CEP350: variants seen among roughly 807,000 people sequenced by gnomAD.
CEP350 encodes centrosome-associated protein 350.
A neutral mutation model predicts 331.8 loss-of-function variants in CEP350; 126 were observed. That is an observed-to-expected ratio of 0.38 (90% CI 0.33 to 0.44). The LOEUF (loss-of-function observed/expected upper bound fraction) is 0.44, where lower values mean the gene tolerates loss of function less well. Among genes scored for constraint, CEP350 ranks in the 20% least tolerant of loss-of-function variants. CEP350 has a pLI of 1.00. For synonymous variants in CEP350, 1,200 were observed against 1,259.5 expected, an observed-to-expected ratio of 0.95 and a Z score of 1.00; for missense variants, 3,406 against 3,634.6, an observed-to-expected ratio of 0.94 and a Z score of 1.62.
At chr1:180,073,995 C>CTCT in intron 27 of CEP350, 1 of 1,078,208 alleles carries the variant, frequency 9.3e-7, no homozygotes, top group Non-Finnish European at 1.2e-6. Flanking sequence ...CTCTCTCTCT[C>CTCT]TTTTTTTTTA....
intron 8 of CEP350, among the ~76,000 whole-genome samples, chr1:180,010,693 T>C (rs2477107): frequency 0.72 from 108,634 of 151,452 alleles, 40,093 homozygotes; most frequent in Admixed American, 0.8. Flanking sequence ...CCTTGAACTC[T>C]TGGGTTCAAG....
intron 1 of CEP350, among the ~76,000 whole-genome samples, 167 bp from the exon 2 acceptor site, chr1:179,986,002 G>A (rs1445775609): frequency 2.0e-5 from 3 of 152,114 alleles, no homozygotes; most frequent in Non-Finnish European, 4.4e-5. Context: ...TTCTAGTTTT[G>A]CAAATCTTTG....
In CEP350 at chr1:180,114,259, G is replaced by A. The variant is rs567763357; in HGVS notation, c.*3098G>A. The A allele has an allele frequency of 6.6e-6, 1 of 152,592 alleles. No individual in the cohort carries two copies. Among genetic ancestry groups the A allele is most frequent in the Admixed American group, 6.5e-5 (1 of 15,288 alleles). 9.5% of individuals were successfully genotyped at this position (152,592 alleles called of 1,614,324 possible). Reference sequence around the variant, plus strand: ...AGTGTGTACTCGCAAAAGAATTTCTGTAGCACAGCATTAGAGACTCATAAC... The same window carrying A: ...AGTGTGTACTCGCAAAAGAATTTCTATAGCACAGCATTAGAGACTCATAAC... On this transcript the variant is annotated 3_prime_UTR_variant, in exon 38 of 38. Transcript: ENST00000367607.
At chr1:180,027,048 T>A (rs1475481948) in intron 14 of CEP350, among the ~76,000 whole-genome samples, 2 of 152,246 alleles carry the variant, frequency 1.3e-5, no homozygotes, top group African/African-American at 4.8e-5. Flanking sequence ...CTATAGCAGC[T>A]GTACCATTTT....
chr1:180,084,792 A>G (rs1659763189), intron 31 of CEP350, among the ~76,000 whole-genome samples: 1 of 152,182 alleles, frequency 6.6e-6, no homozygotes, highest in African/African-American at 2.4e-5. Context: ...TGAAGCCAGG[A>G]GTTTGAGGCT....
intron 7 of CEP350, among the ~76,000 whole-genome samples, chr1:180,004,959 TC>T (rs1654158082): frequency 1.0e-4 from 2 of 20,074 alleles, no homozygotes; most frequent in Admixed American, 1.2e-3. Flanking sequence ...TTCTTTCCCC[TC>T]TCTCTCTTTT....
chr1:180,100,322 T>C (rs1660728490), intron 37 of CEP350, among the ~76,000 whole-genome samples: 1 of 152,240 alleles, frequency 6.6e-6, no homozygotes, highest in Admixed American at 6.5e-5. Flanking sequence ...TCTTCATAGA[T>C]CTTCACATCT....
rs766713564 is a variant in CEP350 at position 179,990,209 on chromosome 1, C to T, written c.121-298C>T. ...AAAAAAAAAAAAGTCAGATAATTTA[C>T]TACTTTGAAAATACTCAACAATTTA... On this transcript the variant is annotated intron_variant, in intron 3 of 37. Transcript: ENST00000367607. Among the ~76,000 whole-genome samples the T allele has an allele frequency of 5.5e-4, 83 of 151,722 alleles. 1 individual carries two copies. Among genetic ancestry groups the T allele is most frequent in the Non-Finnish European group, 1.5e-4 (10 of 67,906 alleles).
chr1:180,053,432 A>G (rs111504510), intron 23 of CEP350, among the ~76,000 whole-genome samples: 1,558 of 152,290 alleles, frequency 0.01, 28 homozygotes, highest in African/African-American at 0.033. Context: ...TCACTCTTCT[A>G]ATACTTTATT....
chr1:180,059,692 C>T (rs541343459), intron 25 of CEP350, among the ~76,000 whole-genome samples: 4 of 150,290 alleles, frequency 2.7e-5, no homozygotes, highest in Non-Finnish European at 4.4e-5. Flanking sequence ...TGTGCTAATT[C>T]GGATTTGAGT....
intron 20 of CEP350, 38 bp from the exon 21 acceptor site, chr1:180,044,013 G>A: frequency 6.7e-7 from 1 of 1,484,444 alleles, no homozygotes; most frequent in Non-Finnish European, 8.9e-7. Context: ...TGTTATTAGA[G>A]ACTTTGAATG....
chr1:180,073,503 T>C (rs1484382411), intron 27 of CEP350, among the ~76,000 whole-genome samples: 1 of 152,224 alleles, frequency 6.6e-6, no homozygotes, highest in Non-Finnish European at 1.5e-5. Flanking sequence ...AATGTACTTC[T>C]TATTACTTTA....
chr1:180,028,559 G>A lies in CEP350; in HGVS notation c.3551-2761G>A, dbSNP rs543283607. Among the ~76,000 whole-genome samples, 73 of 152,256 alleles carry A rather than the reference G, an allele frequency of 4.8e-4. No homozygotes were observed. In the South Asian group the frequency reaches 5.0e-3, roughly 10 times the overall value. On this transcript the variant is annotated intron_variant, in intron 14 of 37. Coordinates refer to ENST00000367607, the MANE Select transcript of CEP350 (RefSeq NM_014810.5). ...AATCTCAGCATTTTGTGAGGCTGAG[G>A]TGGGTGGATCGTTTGATGCAGGAGT...
rs144650519 is a variant in CEP350 at position 180,019,958 on chromosome 1, G to A, written c.2184G>A (p.Leu728=). The part of the protein sequence containing the change: ...EPPQPLARKD[L]MESTWMQPER... ...TGACTTTCATTTCCAGAAAAGACTT[G>A]ATGGAATCTACATGGATGCAGCCTG... The change falls in exon 12 of 38, where the codon TTG becomes TTA. Residue 728 remains leucine (L), a synonymous_variant. Coordinates refer to ENST00000367607, the MANE Select transcript of CEP350 (RefSeq NM_014810.5). The A allele has an allele frequency of 2.3e-5, 37 of 1,579,842 alleles. No homozygotes were observed. The African/African-American group carries it at 4.8e-4, about 20-fold the overall frequency.
At chr1:180,080,270 C>T (rs1659485773) in intron 29 of CEP350, among the ~76,000 whole-genome samples, 1 of 151,898 alleles carries the variant, frequency 6.6e-6, no homozygotes, top group Admixed American at 6.6e-5. Flanking sequence ...TTAAACCATG[C>T]TCTTTTATAA....
At chr1:179,956,881 A>G (rs947420831) in intron 1 of CEP350, among the ~76,000 whole-genome samples, 1 of 152,120 alleles carries the variant, frequency 6.6e-6, no homozygotes, top group Admixed American at 6.5e-5. Flanking sequence ...AATTATTTTT[A>G]TTTTAAACTA....
Position 179,972,891 on chromosome 1 carries a change from CAG to C in CEP350, c.-13-13275_-13-13274del, listed in dbSNP as rs1558070940. On this transcript the variant is annotated intron_variant, in intron 1 of 37. Transcript: ENST00000367607. ...TTAACTTTTTTTTTTTTTTTTGAAA[CAG>C]AGTCTCATTCTGTCGCCAGGCTGGA... 2.6e-4 allele frequency among the ~76,000 whole-genome samples: 36 copies of C among 138,216 alleles called. 1 individual carries two copies. In the South Asian group the frequency reaches 8.1e-3, roughly 31 times the overall value. 90.7% of individuals were successfully genotyped at this position (138,216 alleles called of 152,430 possible).
chr1:180,093,580 A>C lies in CEP350; in HGVS notation c.7475A>C (p.Asp2492Ala), dbSNP rs764667904. ...SPSLASVPTA[D>A]ELFDFHIGDR... ...TCCTTGGCTTCAGTTCCTACTGCAG[A>C]CGAGTTATTTGATTTCCACATTGGT... The change falls in exon 34 of 38, where the codon GAC becomes GCC. Residue 2492 changes from aspartate to alanine, a missense_variant. Physicochemically the swap from Asp to Ala is moderately radical, Grantham distance 126. Coordinates refer to ENST00000367607, the MANE Select transcript of CEP350 (RefSeq NM_014810.5). 6 of 1,613,978 alleles carry C rather than the reference A, an allele frequency of 3.7e-6. No individual in the cohort carries two copies. Among genetic ancestry groups the C allele is most frequent in the Non-Finnish European group, 5.1e-6 (6 of 1,179,860 alleles).
intron 1 of CEP350, among the ~76,000 whole-genome samples, chr1:179,972,963 G>C (rs985764898): frequency 6.6e-6 from 1 of 151,616 alleles, no homozygotes; most frequent in African/African-American, 2.4e-5. Flanking sequence ...CGCCTCCGGG[G>C]TTCACGCCAT....
Sources: allele counts gnomAD v4.1 joint callset (sites outside exome capture counted in the v4.1 genomes callset), GRCh38; gene constraint gnomAD v4.1.1; transcripts MANE v1.5; gene names NCBI Gene and HGNC (gene_info 2026-07-23, HGNC 2026-07-21).